CTBP2: variants seen among roughly 807,000 people sequenced by gnomAD.
CTBP2 encodes the protein C-terminal-binding protein 2.
In CTBP2, 30 loss-of-function variants were observed where a neutral mutation model predicts 80.3. The ratio of observed to expected loss-of-function variants is 0.37; its 90% CI spans 0.28 to 0.51. The LOEUF (loss-of-function observed/expected upper bound fraction) is 0.51. Among genes scored for constraint, CTBP2 ranks in the 20% least tolerant of loss-of-function variants. The probability of loss-of-function intolerance (pLI) is 0.93; values close to 1 mark genes in which losing one functional copy is unlikely to be tolerated. For missense variants in CTBP2, 1,212 were observed against 1,375.3 expected, an observed-to-expected ratio of 0.88 and a Z score of 1.88; for synonymous variants, 594 against 587.4, an observed-to-expected ratio of 1.01 and a Z score of -0.16.
At chr10:125,076,898 T>C (rs1382406229) in intron 2 of CTBP2, among the ~76,000 whole-genome samples, 1 of 152,212 alleles carries the variant, frequency 6.6e-6, no homozygotes, top group Non-Finnish European at 1.5e-5. Context: ...CCCCTTTAAA[T>C]GGTCATTTCT....
At chr10:125,039,436 AG>A (rs1959180669) in intron 2 of CTBP2, among the ~76,000 whole-genome samples, 1 of 152,258 alleles carries the variant, frequency 6.6e-6, no homozygotes, top group African/African-American at 2.4e-5. Context: ...TTTTAACTTT[AG>A]GGCTATAAAT....
At chr10:125,135,910 G>A (rs546863872) in intron 1 of CTBP2, among the ~76,000 whole-genome samples, 19 of 152,318 alleles carry the variant, frequency 1.2e-4, no homozygotes, top group African/African-American at 4.1e-4. Context: ...CCCAGTCTGT[G>A]GGGCAGCGAA....
At chr10:125,025,094 T>C (rs773781855) in intron 1 of CTBP2, among the ~76,000 whole-genome samples, 15 of 152,252 alleles carry the variant, frequency 9.9e-5, no homozygotes, top group Non-Finnish European at 1.9e-4. Context: ...CAGGGCTATT[T>C]TCAAAAAGGT....
chr10:125,094,618 C>G (rs1207927897), intron 2 of CTBP2, among the ~76,000 whole-genome samples: 3 of 152,122 alleles, frequency 2.0e-5, no homozygotes, highest in African/African-American at 7.2e-5. Context: ...TGGGCCCTAT[C>G]TGGCGACATC....
intron 1 of CTBP2, among the ~76,000 whole-genome samples, chr10:125,151,531 C>T (rs1388572684): frequency 6.6e-6 from 1 of 152,216 alleles, no homozygotes; most frequent in Non-Finnish European, 1.5e-5. Context: ...GATCCCAAGC[C>T]GGTCAAGTGG....
chr10:125,080,546 A>G (rs1847026391), intron 2 of CTBP2, among the ~76,000 whole-genome samples: 1 of 152,210 alleles, frequency 6.6e-6, no homozygotes. Flanking sequence ...CATCATTGGA[A>G]ACACAATCTC....
At chr10:124,991,838 CTTCA>C (rs139165708) in intron 8 of CTBP2, among the ~76,000 whole-genome samples, 388 of 130,826 alleles carry the variant, frequency 3.0e-3, no homozygotes, top group African/African-American at 9.5e-3. Context: ...AAGGCTGCAA[CTTCA>C]TTCATTTATG....
chr10:125,108,822 C>T (rs1320743278), intron 2 of CTBP2, among the ~76,000 whole-genome samples: 2 of 152,204 alleles, frequency 1.3e-5, no homozygotes, highest in Non-Finnish European at 2.9e-5. Flanking sequence ...CCAGTGATGG[C>T]CAGCTCCAGT....
chr10:124,989,239 C>G lies in CTBP2; in HGVS notation c.*279G>C, dbSNP rs1470083705. On this transcript the variant is annotated 3_prime_UTR_variant, in exon 9 of 9. Transcript: ENST00000309035. ...CAAGGGACTGATAAAGGAAAAAGCTCTATTTATTCTTTTTGTGATTTGATG... is the reference window on the plus strand; with the variant it reads ...CAAGGGACTGATAAAGGAAAAAGCTGTATTTATTCTTTTTGTGATTTGATG... 8 of 440,692 alleles carry G rather than the reference C, an allele frequency of 1.8e-5. No individual in the cohort carries two copies. Among genetic ancestry groups the G allele is most frequent in the Admixed American group, 7.4e-5 (2 of 27,012 alleles). The allele number at this position is 440,692 out of a possible 1,614,324, so 27.3% of individuals were successfully genotyped here. A position where few individuals can be genotyped will look rare whatever the true frequency, so the allele number is the denominator to read the frequency against.
chr10:125,013,077 G>A (rs1480201222), intron 1 of CTBP2, among the ~76,000 whole-genome samples: 2 of 152,124 alleles, frequency 1.3e-5, no homozygotes, highest in African/African-American at 2.4e-5. Flanking sequence ...CTTCTGTCTC[G>A]AGGGTGGCAG....
chr10:124,994,401 T>C (rs907018706), intron 5 of CTBP2, 68 bp downstream of exon 7: 1 of 1,507,338 alleles, frequency 6.6e-7, no homozygotes, highest in African/African-American at 1.4e-5. Flanking sequence ...TCCGTGTCCC[T>C]CTTGTGCCCA....
rs55742060 is a variant in CTBP2, at chr10:125,072,634, GAAAAAAAAAAAAAA to G, written c.-101-33493_-101-33480del. ...TGAGACTCTGTCTCAAAAAAGAAAA[GAAAAAAAAAAAAAA>G]AAAAAAAAAGGAAACTGACAAGAAG... On this transcript the variant is annotated intron_variant, in intron 2 of 10. Coordinates refer to the CTBP2 transcript ENST00000337195. Among the ~76,000 whole-genome samples the G allele has an allele frequency of 2.5e-3, 255 of 100,150 alleles. 1 individual carries two copies. Among genetic ancestry groups the G allele is most frequent in the African/African-American group, 9.3e-3 (236 of 25,370 alleles). 65.7% of individuals were successfully genotyped at this position (100,150 alleles called of 152,430 possible). A position where few individuals can be genotyped will look rare whatever the true frequency, so the allele number is the denominator to read the frequency against.
At chr10:125,067,811 A>G (rs1388338053) in intron 2 of CTBP2, among the ~76,000 whole-genome samples, 1 of 152,196 alleles carries the variant, frequency 6.6e-6, no homozygotes, top group East Asian at 1.9e-4. Flanking sequence ...TCCCATGGGC[A>G]GGGCCCATGG....
intron 2 of CTBP2, among the ~76,000 whole-genome samples, chr10:125,097,732 G>A (rs947412024): frequency 5.3e-5 from 8 of 152,122 alleles, no homozygotes; most frequent in African/African-American, 1.9e-4. Flanking sequence ...AATAGGTGAG[G>A]GGCATTGGCA....
At chr10:125,123,408 G>A (rs148774437) in intron 1 of CTBP2, among the ~76,000 whole-genome samples, 2 of 152,272 alleles carry the variant, frequency 1.3e-5, no homozygotes, top group East Asian at 3.9e-4. Flanking sequence ...ACAACTGGAG[G>A]GCACCAGGGA....
chr10:125,000,025 G>A (rs1458058714), intron 3 of CTBP2: 1 of 152,332 alleles, frequency 6.6e-6, no homozygotes, highest in African/African-American at 2.4e-5. Flanking sequence ...AAGGCCACGT[G>A]TGTAAAGGCA....
chr10:125,148,834 T>C (rs1339799882), intron 1 of CTBP2, among the ~76,000 whole-genome samples: 2 of 152,244 alleles, frequency 1.3e-5, no homozygotes, highest in East Asian at 3.8e-4. Flanking sequence ...CTGGCTTTTG[T>C]CACTTGAAGC....
intron 1 of CTBP2, among the ~76,000 whole-genome samples, chr10:125,126,479 C>T (rs562756075): frequency 1.3e-5 from 2 of 152,270 alleles, no homozygotes; most frequent in African/African-American, 2.4e-5. Context: ...AAATGCCATC[C>T]GCAAGGCCAG....
intron 1 of CTBP2, among the ~76,000 whole-genome samples, chr10:125,116,707 TGGTAG>T (rs1301664081): frequency 1.3e-5 from 2 of 152,154 alleles, no homozygotes; most frequent in Non-Finnish European, 2.9e-5. Flanking sequence ...GGACTCTCAA[TGGTAG>T]GACCACAAGG....
Sources: gnomAD v4.1 joint callset for allele counts (sites outside exome capture counted in the v4.1 genomes callset) on GRCh38, gnomAD v4.1.1 for gene constraint, MANE v1.5 for transcripts, NCBI Gene and HGNC (gene_info 2026-07-23, HGNC 2026-07-21) for gene names.